Variants in HEATR5B observed in about 807,000 individuals in gnomAD.
HEATR5B encodes the protein HEAT repeat-containing protein 5B.
Under a neutral mutation model 224.1 loss-of-function variants are expected in HEATR5B, and 156 were observed. The ratio of observed to expected loss-of-function variants is 0.70; its 90% CI spans 0.61 to 0.80. The LOEUF is 0.80. Among genes scored for constraint, HEATR5B ranks in the 30% least tolerant of loss-of-function variants. HEATR5B has a pLI of 0.00. For synonymous variants in HEATR5B, 1,027 were observed against 893.0 expected (o/e 1.15, Z -2.68); for missense variants, 2,323 against 2,535.5 (o/e 0.92, Z 1.80).
At chr2:37,059,123 C>A in intron 12 of HEATR5B, 136 bp from the exon 13 acceptor site, 1 of 465,104 alleles carries the variant, frequency 2.2e-6, no homozygotes, top group Non-Finnish European at 3.7e-6. Flanking sequence ...CATGTCGAAC[C>A]AAAAGAAAAA....
Position 37,000,752 on chromosome 2 carries a change from T to G in HEATR5B, c.5379A>C (p.Ala1793=), listed in dbSNP as rs1667038647. 2 of 1,614,178 alleles carry G rather than the reference T, an allele frequency of 1.2e-6. No homozygotes were observed. Among genetic ancestry groups the G allele is most frequent in the Non-Finnish European group, 1.7e-6 (2 of 1,180,004 alleles). ...FLIARILKDT[A]IKSADNQVPP... ...GAACCTGATTATCTGCAGACTTTAT[T>G]GCTGTGTCTTTCAATATTCTTGCAA... is the stretch of plus-strand genomic sequence containing the variant. The change falls in exon 33 of 36, where the codon GCA becomes GCC. Residue 1793 remains alanine (A), a synonymous_variant. Coordinates refer to ENST00000233099, the MANE Select transcript of HEATR5B (RefSeq NM_019024.3).
intron 30 of HEATR5B, among the ~76,000 whole-genome samples, chr2:37,004,989 T>C (rs142321463): frequency 1.3e-5 from 2 of 152,320 alleles, no homozygotes; most frequent in African/African-American, 4.8e-5. Context: ...AAATATAAAG[T>C]TAGTTACATC....
At chr2:37,029,318 G>C (rs1668970822) in intron 22 of HEATR5B, among the ~76,000 whole-genome samples, 1 of 152,224 alleles carries the variant, frequency 6.6e-6, no homozygotes, top group Non-Finnish European at 1.5e-5. Context: ...TTTTTATAAA[G>C]CCAGAACACA....
At chr2:37,005,834 CTATT>C (rs780160911) in intron 29 of HEATR5B, 75 bp from the exon 30 acceptor site, 8 of 1,207,354 alleles carry the variant, frequency 6.6e-6, no homozygotes, top group Non-Finnish European at 9.1e-6. Context: ...TATTTCTTCT[CTATT>C]TATGTTTTTA....
intron 21 of HEATR5B, among the ~76,000 whole-genome samples, chr2:37,036,985 A>G (rs1163607320): frequency 6.6e-6 from 1 of 151,336 alleles, no homozygotes; most frequent in Admixed American, 6.6e-5. Context: ...CTCACCCACA[A>G]ATGTATCTCC....
chr2:37,020,644 G>GA lies in HEATR5B; in HGVS notation c.4035+10dup, dbSNP rs775156665. 3 of 1,514,632 alleles carry GA rather than the reference G, an allele frequency of 2.0e-6. No homozygotes were observed. The South Asian group carries it at 4.0e-5, about 20-fold the overall frequency. The allele number at this position is 1,514,632 out of a possible 1,614,324, so 93.8% of individuals were successfully genotyped here. A position where few individuals can be genotyped will look rare whatever the true frequency, so the allele number is the denominator to read the frequency against. On this transcript the variant is annotated intron_variant, in intron 25 of 35. Coordinates refer to ENST00000233099, the MANE Select transcript of HEATR5B (RefSeq NM_019024.3). Reference sequence around the variant, plus strand: ...TCAATTTTAAGTTCTTAAATAAATAGAAAATCTCACATTAGCCTGATACTG... The same window carrying GA: ...TCAATTTTAAGTTCTTAAATAAATAGAAAAATCTCACATTAGCCTGATACTG...
intron 27 of HEATR5B, among the ~76,000 whole-genome samples, chr2:37,009,119 ATGGTGGC>A (rs1195469029): frequency 6.6e-6 from 1 of 151,852 alleles, no homozygotes; most frequent in Non-Finnish European, 1.5e-5. Flanking sequence ...TTAGCCGGGC[ATGGTGGC>A]AGGCACCTGT....
At chr2:36,999,871 G>A (rs1666974558) in intron 33 of HEATR5B, among the ~76,000 whole-genome samples, 1 of 151,298 alleles carries the variant, frequency 6.6e-6, no homozygotes, top group Non-Finnish European at 1.5e-5. Flanking sequence ...AATTAACCGG[G>A]TGTGTTGGCA....
intron 33 of HEATR5B, among the ~76,000 whole-genome samples, chr2:37,000,055 C>T (rs1455629962): frequency 5.3e-5 from 8 of 151,428 alleles, no homozygotes; most frequent in Non-Finnish European, 8.8e-5. Flanking sequence ...AAACAAAAAA[C>T]CTCCCAGTAT....
intron 12 of HEATR5B, among the ~76,000 whole-genome samples, chr2:37,059,406 A>ATGTATGTG (rs1553320979): frequency 1.0e-5 from 1 of 100,224 alleles, no homozygotes; most frequent in African/African-American, 4.0e-5. Flanking sequence ...ATATATGTAT[A>ATGTATGTG]TGTGTGTGTG....
chr2:37,057,593 G>A, intron 14 of HEATR5B, 113 bp from the exon 15 acceptor site: 3 of 627,544 alleles, frequency 4.8e-6, no homozygotes, highest in Non-Finnish European at 7.8e-6. Flanking sequence ...TTAAGTCTCT[G>A]TTCTCTTCTT....
At position 37,058,524 on chromosome 2, in the gene HEATR5B, C is replaced by T; in HGVS notation, c.1986G>A (p.Leu662=). The T allele has an allele frequency of 6.2e-7, 1 of 1,613,020 alleles. No individual in the cohort carries two copies. Among genetic ancestry groups the T allele is most frequent in the Non-Finnish European group, 8.5e-7 (1 of 1,179,074 alleles). ...AACGGACCATTGCAGCACTAGCTTTCAGATGAGCTCCATGGGCTTTCATTA... is the reference window on the plus strand; with the variant it reads ...AACGGACCATTGCAGCACTAGCTTTTAGATGAGCTCCATGGGCTTTCATTA... The part of the protein sequence containing the change: ...PSVMKAHGAH[L]KASAAMVRLR... The change falls in exon 14 of 36, where the codon CTG becomes CTA. Residue 662 remains leucine (L), a synonymous_variant. Transcript: ENST00000233099.
At chr2:36,986,563 G>C (rs1407477726) in intron 35 of HEATR5B, among the ~76,000 whole-genome samples, 1 of 152,036 alleles carries the variant, frequency 6.6e-6, no homozygotes, top group Non-Finnish European at 1.5e-5. Context: ...TAACAGAAAA[G>C]AAAAAACAGG....
In HEATR5B at chr2:37,072,223, A is replaced by G. The variant is rs753987455; in HGVS notation, c.656T>C (p.Ile219Thr). 1.1e-5 allele frequency: 18 copies of G among 1,613,670 alleles called. No homozygotes were observed. Among genetic ancestry groups the G allele is most frequent in the Middle Eastern group, 1.6e-4 (1 of 6,084 alleles). ...VFMWTAELEN[I>T]ATLCFKALEN... ...CAAAGCCTTAAAGCAGAGAGTGGCTATATTTTCTAGTTCAGCAGTCCACAT... is the reference window on the plus strand; with the variant it reads ...CAAAGCCTTAAAGCAGAGAGTGGCTGTATTTTCTAGTTCAGCAGTCCACAT... The change falls in exon 6 of 36, where the codon ATA becomes ACA. Residue 219 changes from isoleucine (I) to threonine (T), a missense_variant. Coordinates refer to ENST00000233099, the MANE Select transcript of HEATR5B (RefSeq NM_019024.3).
At position 37,028,080 on chromosome 2, in the gene HEATR5B, A is replaced by C; in HGVS notation, c.3696T>G (p.Gly1232=). ...MDDDTMFTTL[G]EEDKSKPFVA... ...CAAAGGGCTTTGATTTATCTTCTTC[A>C]CCTAACGTGGTAAACATGGTATCAT... Residue 1232 remains glycine, a synonymous_variant, in exon 24 of 36, where the codon GGT becomes GGG. Coordinates refer to ENST00000233099, the MANE Select transcript of HEATR5B (RefSeq NM_019024.3). 1 of 1,613,928 alleles carries C rather than the reference A, an allele frequency of 6.2e-7. No homozygotes were observed. Among genetic ancestry groups the C allele is most frequent in the Non-Finnish European group, 8.5e-7 (1 of 1,179,836 alleles).
At position 36,988,620 on chromosome 2, in the gene HEATR5B, G is replaced by C. The variant is rs749823562; in HGVS notation, c.5911+26C>G. On this transcript the variant is annotated intron_variant, in intron 35 of 35. Coordinates refer to ENST00000233099, the MANE Select transcript of HEATR5B (RefSeq NM_019024.3). ...CAATACAGATCTTCATTCTGAACTA[G>C]TAGCTTTTTATAAGAATATACTTAC... 3 of 1,552,068 alleles carry C rather than the reference G, an allele frequency of 1.9e-6. No individual in the cohort carries two copies. In the East Asian group the frequency reaches 6.7e-5, roughly 35 times the overall value.
intron 3 of HEATR5B, among the ~76,000 whole-genome samples, chr2:37,078,068 C>A (rs1386714671): frequency 1.3e-5 from 2 of 152,208 alleles, no homozygotes; most frequent in Non-Finnish European, 2.9e-5. Context: ...TCTAGCAGAC[C>A]TGTGCCTAAA....
intron 24 of HEATR5B, among the ~76,000 whole-genome samples, 156 bp downstream of exon 24, chr2:37,027,767 G>A (rs186828524): frequency 6.6e-6 from 1 of 152,234 alleles, no homozygotes; most frequent in African/African-American, 2.4e-5. Context: ...GTATGCAGAG[G>A]GGACAGAAAA....
chr2:37,011,943 C>A (rs1034867865), intron 27 of HEATR5B, among the ~76,000 whole-genome samples: 1 of 152,150 alleles, frequency 6.6e-6, no homozygotes, highest in Non-Finnish European at 1.5e-5. Context: ...TCTGAATAGA[C>A]ACTGCCAAAT....
Sources: gnomAD v4.1 joint callset for allele counts (sites outside exome capture counted in the v4.1 genomes callset) on GRCh38, gnomAD v4.1.1 for gene constraint, MANE v1.5 for transcripts, NCBI Gene and HGNC (gene_info 2026-07-23, HGNC 2026-07-21) for gene names.